Variants in PDGFD observed in about 807,000 individuals in gnomAD.
PDGFD encodes platelet derived growth factor D.
Under a neutral mutation model 44.7 loss-of-function variants are expected in PDGFD, and 30 were observed. The ratio of observed to expected loss-of-function variants is 0.67; its 90% CI spans 0.50 to 0.91. PDGFD has a LOEUF of 0.91. Ranked by LOEUF, PDGFD falls within the 40% of genes least tolerant of loss-of-function variation. The pLI is 0.00. For missense variants in PDGFD, 445 were observed against 457.8 expected (o/e 0.97, Z 0.25); for synonymous variants, 173 against 168.4 (o/e 1.03, Z -0.21).
intron 1 of PDGFD, among the ~76,000 whole-genome samples, chr11:104,115,181 G>A (rs752146201): frequency 7.9e-5 from 12 of 151,138 alleles, no homozygotes; most frequent in Non-Finnish European, 1.5e-4. Flanking sequence ...TTCACTTAGA[G>A]TAATAGTCTC....
intron 3 of PDGFD, among the ~76,000 whole-genome samples, chr11:103,955,544 C>G (rs1858830099): frequency 6.6e-6 from 1 of 152,198 alleles, no homozygotes; most frequent in Non-Finnish European, 1.5e-5. Context: ...AGTATACTTT[C>G]TTTACAGACT....
chr11:104,051,258 C>T (rs61892152), intron 1 of PDGFD, among the ~76,000 whole-genome samples: 38,855 of 151,946 alleles, frequency 0.26, 5,467 homozygotes, highest in East Asian at 0.34. Context: ...TACCATAAAA[C>T]GAGAAAAATT....
chr11:104,155,019 A>G (rs1326186558), intron 1 of PDGFD, among the ~76,000 whole-genome samples: 2 of 152,224 alleles, frequency 1.3e-5, no homozygotes, highest in African/African-American at 4.8e-5. Flanking sequence ...CAAGTTATTA[A>G]GGATTCTGAA....
At chr11:104,044,482 A>G (rs1033976851) in intron 1 of PDGFD, among the ~76,000 whole-genome samples, 10 of 152,346 alleles carry the variant, frequency 6.6e-5, no homozygotes, top group Admixed American at 3.3e-4. Context: ...AGCTATATAA[A>G]AAAAGGTAAA....
At chr11:104,052,194 T>G (rs930170163) in intron 1 of PDGFD, among the ~76,000 whole-genome samples, 2 of 152,192 alleles carry the variant, frequency 1.3e-5, no homozygotes, top group African/African-American at 4.8e-5. Context: ...TATCAGTACT[T>G]TACTCCTTTT....
intron 1 of PDGFD, among the ~76,000 whole-genome samples, chr11:104,116,928 T>A (rs1029380157): frequency 6.6e-6 from 1 of 151,990 alleles, no homozygotes; most frequent in Non-Finnish European, 1.5e-5. Flanking sequence ...TTCTGAGGCC[T>A]CCCCAGCCAT....
At chr11:103,942,528 T>C (rs921965543) in intron 5 of PDGFD, among the ~76,000 whole-genome samples, 1 of 152,142 alleles carries the variant, frequency 6.6e-6, no homozygotes, top group Non-Finnish European at 1.5e-5. Context: ...TGTACTTTCC[T>C]GAAGTTTCTA....
chr11:104,148,523 CAAT>C (rs1278426334), intron 1 of PDGFD, among the ~76,000 whole-genome samples: 23 of 151,828 alleles, frequency 1.5e-4, no homozygotes, highest in Non-Finnish European at 1.5e-4. Flanking sequence ...AAAGAAATTG[CAAT>C]AATTAAAAAA....
chr11:103,925,704 G>GAA (rs1858299371), intron 6 of PDGFD, among the ~76,000 whole-genome samples: 1 of 106,116 alleles, frequency 9.4e-6, no homozygotes, highest in African/African-American at 3.8e-5. Context: ...TATATACACA[G>GAA]ACACACACAC....
chr11:103,931,228 A>C (rs1222960485), intron 5 of PDGFD, among the ~76,000 whole-genome samples: 1 of 152,264 alleles, frequency 6.6e-6, no homozygotes, highest in Non-Finnish European at 1.5e-5. Context: ...TCTGGTGGAC[A>C]GAAGTCCAAA....
In PDGFD at chr11:103,926,916, T is replaced by G. The variant is rs752953414; in HGVS notation, c.983A>C (p.His328Pro). Reference protein sequence around the residue: ...CNSGKTVKKYHEVLQFEPGHI... With the variant: ...CNSGKTVKKYPEVLQFEPGHI... ...AGAAATCTAAGAATGACATACCTCA[T>G]GATACTTTTTCACGGTTTTCCCTGA... The change falls in exon 6 of 7, where the codon CAT (histidine) becomes CCT (proline). Residue 328 changes from histidine (H) to proline (P), a missense_variant. By Grantham distance (77) the His-to-Pro change is moderately conservative (BLOSUM62 -2). Coordinates refer to ENST00000393158, the MANE Select transcript of PDGFD (RefSeq NM_025208.5). The G allele has an allele frequency of 6.2e-7, 1 of 1,613,340 alleles. No homozygotes were observed. Among genetic ancestry groups the G allele is most frequent in the Admixed American group, 1.7e-5 (1 of 59,938 alleles).
intron 1 of PDGFD, among the ~76,000 whole-genome samples, chr11:104,082,751 C>T (rs969108969): frequency 6.6e-6 from 1 of 152,096 alleles, no homozygotes; most frequent in African/African-American, 2.4e-5. Context: ...TTTGCCTCAG[C>T]ATCCCAAGTA....
chr11:104,111,720 C>T (rs11226169), intron 1 of PDGFD, among the ~76,000 whole-genome samples: 18,373 of 152,030 alleles, frequency 0.12, 1,353 homozygotes, highest in East Asian at 0.32. Flanking sequence ...ATGTTTCTTC[C>T]ATACTTTAGA....
chr11:104,122,889 T>A (rs1038532182), intron 1 of PDGFD, among the ~76,000 whole-genome samples: 1 of 151,910 alleles, frequency 6.6e-6, no homozygotes, highest in Non-Finnish European at 1.5e-5. Context: ...TAGAAAGAAA[T>A]TTTATATCAG....
chr11:103,931,759 T>C (rs1858402802), intron 5 of PDGFD, among the ~76,000 whole-genome samples: 2 of 152,256 alleles, frequency 1.3e-5, no homozygotes, highest in African/African-American at 2.4e-5. Flanking sequence ...CTAATTTTTG[T>C]ATTTTCATTA....
chr11:104,076,618 A>G (rs534953987), intron 1 of PDGFD, among the ~76,000 whole-genome samples: 16 of 152,306 alleles, frequency 1.1e-4, no homozygotes, highest in Middle Eastern at 3.4e-3. Flanking sequence ...AAAAAAATCA[A>G]TCCAAGGAGG....
At position 104,022,885 on chromosome 11, in the gene PDGFD, T is replaced by A. The variant is rs1026410892; in HGVS notation, c.125-22630A>T. 3.9e-5 allele frequency among the ~76,000 whole-genome samples: 6 copies of A among 152,190 alleles called. No individual in the cohort carries two copies. The South Asian group carries it at 1.2e-3, about 32-fold the overall frequency. ...TGCTGGTAAAGTTTCCTGAACACTA[T>A]GTAGGTAGTAACTATAAAAAATATA... On this transcript the variant is annotated intron_variant, in intron 1 of 6. Coordinates refer to ENST00000393158, the MANE Select transcript of PDGFD (RefSeq NM_025208.5).
chr11:103,964,651 A>G (rs942730707), intron 3 of PDGFD, among the ~76,000 whole-genome samples: 1 of 152,102 alleles, frequency 6.6e-6, no homozygotes, highest in African/African-American at 2.4e-5. Flanking sequence ...ACCCTAATAA[A>G]AGGAAAACCA....
At chr11:104,065,451 T>C (rs916521016) in intron 1 of PDGFD, among the ~76,000 whole-genome samples, 4 of 152,142 alleles carry the variant, frequency 2.6e-5, no homozygotes, top group Non-Finnish European at 4.4e-5. Flanking sequence ...AATTTTTTCA[T>C]TAGGGAGCAT....
Sources: allele counts gnomAD v4.1 joint callset (sites outside exome capture counted in the v4.1 genomes callset), GRCh38; gene constraint gnomAD v4.1.1; transcripts MANE v1.5; gene names NCBI Gene and HGNC (gene_info 2026-07-23, HGNC 2026-07-21).